Variants in NECTIN3 observed in about 807,000 individuals in gnomAD.
The protein encoded by NECTIN3 is nectin-3.
In NECTIN3, 8 loss-of-function variants were observed where a neutral mutation model predicts 49.4. That is an observed-to-expected ratio of 0.16 (90% CI 0.10 to 0.29). The LOEUF (loss-of-function observed/expected upper bound fraction) is 0.29, where lower values mean the gene tolerates loss of function less well. Ranked by LOEUF, NECTIN3 falls within the 10% of genes least tolerant of loss-of-function variation. The pLI is 1.00. For synonymous variants in NECTIN3, 277 were observed against 241.1 expected (o/e 1.15, Z -1.38); for missense variants, 581 against 654.6 (o/e 0.89, Z 1.23).
At chr3:111,117,638 T>C (rs1203594416) in intron 2 of NECTIN3, among the ~76,000 whole-genome samples, 1 of 151,970 alleles carries the variant, frequency 6.6e-6, no homozygotes, top group Non-Finnish European at 1.5e-5. Flanking sequence ...AAACAAAAAT[T>C]GGTTCTTTCA....
intron 1 of NECTIN3, among the ~76,000 whole-genome samples, chr3:111,075,795 A>G (rs2031145388): frequency 1.3e-5 from 2 of 152,142 alleles, no homozygotes; most frequent in Non-Finnish European, 2.9e-5. Flanking sequence ...CTAGTTGACT[A>G]TTCCCTTAAT....
intron 1 of NECTIN3, chr3:111,193,154 A>G (rs764836848): frequency 5.3e-5 from 79 of 1,484,652 alleles, no homozygotes; most frequent in Non-Finnish European, 6.9e-5. Context: ...TGCTAGAAAA[A>G]TGCAAACAGC....
chr3:111,089,951 C>T (rs1363340520), intron 1 of NECTIN3, among the ~76,000 whole-genome samples: 2 of 152,060 alleles, frequency 1.3e-5, no homozygotes, highest in Non-Finnish European at 2.9e-5. Context: ...AATCAAATTT[C>T]GAATGGTATT....
intron 1 of NECTIN3, among the ~76,000 whole-genome samples, chr3:111,091,428 T>G (rs2032263882): frequency 6.6e-6 from 1 of 151,928 alleles, no homozygotes; most frequent in South Asian, 2.1e-4. Flanking sequence ...ATTTTTTGTA[T>G]TTTTTAGTAG....
chr3:111,167,654 G>T (rs552007699), intron 7 of NECTIN3, among the ~76,000 whole-genome samples: 1 of 152,276 alleles, frequency 6.6e-6, no homozygotes, highest in South Asian at 2.1e-4. Flanking sequence ...GAGAGACTAT[G>T]CTGGGGATTG....
rs958861427 is a variant in NECTIN3, at chr3:111,137,440, T to TTTTTGTTTTG, written c.*3245_*3254dup. 1.1e-6 allele frequency: 1 copy of TTTTTGTTTTG among 949,994 alleles called. No homozygotes were observed. 58.8% of individuals were successfully genotyped at this position (949,994 alleles called of 1,614,324 possible). A position where few individuals can be genotyped will look rare whatever the true frequency, so the allele number is the denominator to read the frequency against. On this transcript the variant is annotated 3_prime_UTR_variant, in exon 6 of 6. Transcript: ENST00000485303. ...GTTTTGGTTTTGTTGTGTTTGGTGT[T>TTTTTGTTTTG]TTTTGTTTTGTTTTGTTTTGTTTTG...
At chr3:111,089,369 C>CT (rs1432800967) in intron 1 of NECTIN3, among the ~76,000 whole-genome samples, 2 of 151,008 alleles carry the variant, frequency 1.3e-5, no homozygotes, top group African/African-American at 2.4e-5. Context: ...TCTCATTCTT[C>CT]AGATGGATAG....
intron 3 of NECTIN3, among the ~76,000 whole-genome samples, chr3:111,121,035 C>G (rs368975250): frequency 7.2e-6 from 1 of 139,776 alleles, no homozygotes; most frequent in Non-Finnish European, 1.5e-5. Context: ...TGGAGTCTCA[C>G]TCTGTCGCCC....
intron 1 of NECTIN3, 103 bp from the exon 2 acceptor site, chr3:111,111,926 TG>T: frequency 3.2e-6 from 2 of 621,806 alleles, no homozygotes; most frequent in Admixed American, 5.9e-5. Flanking sequence ...TGTGTGTGTG[TG>T]TGTGTGTAGC....
At chr3:111,128,066 G>A (rs2034238109) in intron 5 of NECTIN3, among the ~76,000 whole-genome samples, 1 of 152,044 alleles carries the variant, frequency 6.6e-6, no homozygotes. Context: ...GACTGGGCGT[G>A]GTGGCTCACA....
At chr3:111,163,008 G>A (rs749191398) in intron 7 of NECTIN3, among the ~76,000 whole-genome samples, 13 of 152,146 alleles carry the variant, frequency 8.5e-5, no homozygotes, top group Admixed American at 6.5e-4. Flanking sequence ...TGATTCTGAA[G>A]TTGACAGGGT....
chr3:111,159,722 T>C (rs1328663531), intron 7 of NECTIN3, among the ~76,000 whole-genome samples: 1 of 152,190 alleles, frequency 6.6e-6, no homozygotes, highest in Non-Finnish European at 1.5e-5. Flanking sequence ...ATTAACAATT[T>C]TACTACCTCA....
chr3:111,158,069 A>G (rs1283945401), intron 7 of NECTIN3, among the ~76,000 whole-genome samples: 1 of 151,990 alleles, frequency 6.6e-6, no homozygotes, highest in Non-Finnish European at 1.5e-5. Context: ...TTTTTGCTTT[A>G]AGAACAAGAT....
At chr3:111,149,154 A>G (rs1008870456) in intron 7 of NECTIN3, among the ~76,000 whole-genome samples, 4 of 152,114 alleles carry the variant, frequency 2.6e-5, no homozygotes, top group Admixed American at 2.6e-4. Flanking sequence ...TCTCATACAT[A>G]TTAGGTCTGT....
chr3:111,171,441 A>G (rs1031195198), intron 7 of NECTIN3, among the ~76,000 whole-genome samples: 5 of 152,184 alleles, frequency 3.3e-5, no homozygotes, highest in African/African-American at 4.8e-5. Flanking sequence ...AGGTTCATCA[A>G]TGAAAGGGGC....
At position 111,134,380 on chromosome 3, in the gene NECTIN3, C is replaced by T. The variant is rs893115343; in HGVS notation, c.*165C>T. On this transcript the variant is annotated 3_prime_UTR_variant, in exon 6 of 6. Coordinates refer to ENST00000485303, the MANE Select transcript of NECTIN3 (RefSeq NM_015480.3). ...CAAATGAAAATGTAAAATCTGAGTT[C>T]AGTGTATCTAAGCTGCTTTACAATT... The T allele has an allele frequency of 2.9e-6, 4 of 1,386,060 alleles. No homozygotes were observed. The highest frequency in any genetic ancestry group is 3.7e-6 in the Non-Finnish European group (4 of 1,073,616). 85.9% of individuals were successfully genotyped at this position (1,386,060 alleles called of 1,614,324 possible).
At chr3:111,109,925 G>A (rs893907230) in intron 1 of NECTIN3, among the ~76,000 whole-genome samples, 3 of 151,736 alleles carry the variant, frequency 2.0e-5, no homozygotes, top group African/African-American at 7.3e-5. Context: ...TTTCAAGTCA[G>A]GTTTATAAGT....
chr3:111,188,308 G>A (rs116044337), upstream of NECTIN3, among the ~76,000 whole-genome samples: 787 of 152,248 alleles, frequency 5.2e-3, 4 homozygotes, highest in African/African-American at 0.018. Flanking sequence ...CTAATGCAGG[G>A]CCTTTTCTAG....
chr3:111,127,309 A>G (rs1462589799), intron 5 of NECTIN3, among the ~76,000 whole-genome samples: 3 of 152,220 alleles, frequency 2.0e-5, no homozygotes, highest in East Asian at 3.9e-4. Flanking sequence ...ACCACGTATT[A>G]TATTGTCTTA....
Sources: allele counts gnomAD v4.1 joint callset (sites outside exome capture counted in the v4.1 genomes callset), GRCh38; gene constraint gnomAD v4.1.1; transcripts MANE v1.5; gene names NCBI Gene and HGNC (gene_info 2026-07-23, HGNC 2026-07-21).